Variants in THUMPD3 observed in about 807,000 individuals in gnomAD.
THUMPD3 encodes THUMP domain 3 tRNA guanosine methyltransferase.
A neutral mutation model predicts 54.5 loss-of-function variants in THUMPD3; 44 were observed. That is an observed-to-expected ratio of 0.81 (90% CI 0.63 to 1.04). The LOEUF (loss-of-function observed/expected upper bound fraction) is 1.04. Among genes scored for constraint, THUMPD3 ranks in the 50% least tolerant of loss-of-function variants. The pLI is 0.00. For synonymous variants in THUMPD3, 196 were observed against 201.4 expected, an observed-to-expected ratio of 0.97 and a Z score of 0.23; for missense variants, 604 against 601.3, an observed-to-expected ratio of 1.00 and a Z score of -0.05.
At chr3:9,370,451 G>T (rs1236871837) in intron 3 of THUMPD3, among the ~76,000 whole-genome samples, 1 of 152,120 alleles carries the variant, frequency 6.6e-6, no homozygotes, top group Non-Finnish European at 1.5e-5. Flanking sequence ...TTTTGTAAAA[G>T]ATTTATTTTT....
chr3:9,377,970 A>T lies in THUMPD3; in HGVS notation c.1008+82A>T. ...CTAATGGGCAAATTAGACATAATGAAATCTCCATGGTTGGATCAGTGGACC... is the reference window on the plus strand; with the variant it reads ...CTAATGGGCAAATTAGACATAATGATATCTCCATGGTTGGATCAGTGGACC... On this transcript the variant is annotated intron_variant, in intron 6 of 9. Transcript: ENST00000452837. 5 of 1,171,144 alleles carry T rather than the reference A, an allele frequency of 4.3e-6. No individual in the cohort carries two copies. In the South Asian group the frequency reaches 6.3e-5, roughly 15 times the overall value. The allele number at this position is 1,171,144 out of a possible 1,614,324, so 72.5% of individuals were successfully genotyped here. A position where few individuals can be genotyped will look rare whatever the true frequency, so the allele number is the denominator to read the frequency against.
At chr3:9,383,568 C>T (rs1389049535) in intron 8 of THUMPD3, among the ~76,000 whole-genome samples, 1 of 152,002 alleles carries the variant, frequency 6.6e-6, no homozygotes, top group Admixed American at 6.6e-5. Context: ...AATTATATAT[C>T]CTACACAAAA....
intron 8 of THUMPD3, among the ~76,000 whole-genome samples, chr3:9,383,626 T>G (rs927041765): frequency 1.3e-5 from 2 of 151,400 alleles, no homozygotes; most frequent in African/African-American, 4.9e-5. Context: ...CATAAATGAT[T>G]CTTTTTTTTT....
At chr3:9,367,216 G>A (rs1232630326) in intron 3 of THUMPD3, among the ~76,000 whole-genome samples, 1 of 152,146 alleles carries the variant, frequency 6.6e-6, no homozygotes, top group Non-Finnish European at 1.5e-5. Context: ...AAAACACCTT[G>A]TTTTACTTGT....
rs2125337945 is a variant in THUMPD3, at chr3:9,384,516, G to C, written c.1360-8G>C. 6.2e-7 allele frequency: 1 copy of C among 1,613,620 alleles called. No individual in the cohort carries two copies. The highest frequency in any genetic ancestry group is 2.2e-5 in the East Asian group (1 of 44,876). ...AACCTAATTGTTATTTTTTTTGTGT[G>C]TACACAGGCGTTATCTGGAATGCGA... is the stretch of plus-strand genomic sequence containing the variant. On this transcript the variant is annotated splice_region_variant and splice_polypyrimidine_tract_variant and intron_variant, in intron 9 of 9. Coordinates refer to ENST00000452837, the MANE Select transcript of THUMPD3 (RefSeq NM_001114092.2).
intron 4 of THUMPD3, among the ~76,000 whole-genome samples, chr3:9,373,362 G>A (rs955645977): frequency 1.3e-5 from 2 of 152,012 alleles, no homozygotes; most frequent in African/African-American, 4.8e-5. Flanking sequence ...TGAGTATGAT[G>A]ACAGACACCT....
At chr3:9,367,791 C>G (rs1011693784) in intron 3 of THUMPD3, among the ~76,000 whole-genome samples, 2 of 152,142 alleles carry the variant, frequency 1.3e-5, no homozygotes, top group African/African-American at 4.8e-5. Context: ...AAGGGCCTGG[C>G]GTGGTGGCTC....
At chr3:9,373,910 T>C in intron 4 of THUMPD3, among the ~76,000 whole-genome samples, 1 of 152,224 alleles carries the variant, frequency 6.6e-6, no homozygotes, top group South Asian at 2.1e-4. Flanking sequence ...ACTTTACCAA[T>C]TTTTAAAACT....
In THUMPD3 at chr3:9,366,753, A is replaced by G. The variant is rs149190567; in HGVS notation, c.253-155A>G. Among the ~76,000 whole-genome samples, 5 of 152,334 alleles carry G rather than the reference A, an allele frequency of 3.3e-5. No individual in the cohort carries two copies. In the East Asian group the frequency reaches 9.6e-4, roughly 29 times the overall value. ...GGAAAGCTGATTAGTAACCAAAGAG[A>G]TGAGAAACTAGGGAGATGGGACATT... On this transcript the variant is annotated intron_variant, in intron 2 of 9. Coordinates refer to ENST00000452837, the MANE Select transcript of THUMPD3 (RefSeq NM_001114092.2).
At position 9,374,612 on chromosome 3, in the gene THUMPD3, A is replaced by G; in HGVS notation, c.904A>G (p.Thr302Ala). The change falls in exon 5 of 10, where the codon ACT becomes GCT. Residue 302 changes from threonine (T) to alanine (A), a missense_variant. Coordinates refer to ENST00000452837, the MANE Select transcript of THUMPD3 (RefSeq NM_001114092.2). The stretch of plus-strand genomic sequence containing the variant: ...AAATATAACACATTTTGGACCTACA[A>G]CTCTTAGATCAACTCTTGCCTATGG... ...RRNITHFGPT[T>A]LRSTLAYGML... is the part of the protein sequence containing the mutation. 1 of 1,613,948 alleles carries G rather than the reference A, an allele frequency of 6.2e-7. No individual in the cohort carries two copies. The highest frequency in any genetic ancestry group is 8.5e-7 in the Non-Finnish European group (1 of 1,179,942).
At position 9,371,523 on chromosome 3, in the gene THUMPD3, A is replaced by G. The variant is rs764885828; in HGVS notation, c.794A>G (p.Asn265Ser). 1 of 1,612,250 alleles carries G rather than the reference A, an allele frequency of 6.2e-7. No individual in the cohort carries two copies. Among genetic ancestry groups the G allele is most frequent in the African/African-American group, 1.3e-5 (1 of 74,842 alleles). Residue 265 changes from asparagine to serine, a missense_variant, in exon 4 of 10, where the codon AAC (asparagine) becomes AGC (serine). Coordinates refer to ENST00000452837, the MANE Select transcript of THUMPD3 (RefSeq NM_001114092.2). ...TTTAAGTGGAAGGCCGACATGACCA[A>G]CTTTGATGTGGAGGTAGGTATAGGC... ...DYFKWKADMTNFDVEVLLNIH... is the reference protein window; with the variant it reads ...DYFKWKADMTSFDVEVLLNIH...
intron 3 of THUMPD3, among the ~76,000 whole-genome samples, chr3:9,367,757 C>T (rs1240701114): frequency 1.3e-5 from 2 of 152,106 alleles, no homozygotes; most frequent in Non-Finnish European, 2.9e-5. Context: ...AACAATAAGA[C>T]CAGACCTAAA....
Position 9,374,505 on chromosome 3 carries a change from C to T in THUMPD3, c.808-11C>T, listed in dbSNP as rs761301200. On this transcript the variant is annotated splice_polypyrimidine_tract_variant and intron_variant, in intron 4 of 9. Coordinates refer to ENST00000452837, the MANE Select transcript of THUMPD3 (RefSeq NM_001114092.2). ...CCTAAAACTATTTTGTCTTGTTCCA[C>T]TTTGCTATAGGTTCTTTTGAACATC... 3.1e-6 allele frequency: 5 copies of T among 1,611,964 alleles called. No homozygotes were observed. In the African/African-American group the frequency reaches 4.0e-5, roughly 13 times the overall value.
At chr3:9,380,666 C>A in intron 7 of THUMPD3, 48 bp downstream of exon 7, 1 of 1,361,818 alleles carries the variant, frequency 7.3e-7, no homozygotes, top group African/African-American at 1.4e-5. Context: ...TAGAGAATCA[C>A]TTTTTATATT....
In THUMPD3 at chr3:9,371,060, G is replaced by A. The variant is rs774268774; in HGVS notation, c.331G>A (p.Glu111Lys). 1 of 1,553,200 alleles carries A rather than the reference G, an allele frequency of 6.4e-7. No individual in the cohort carries two copies. The highest frequency in any genetic ancestry group is 8.6e-7 in the Non-Finnish European group (1 of 1,156,216). Residue 111 changes from glutamate (E) to lysine (K), a missense_variant and splice_region_variant, in exon 4 of 10, where the codon GAA becomes AAA. Glu to Lys is a moderately conservative substitution (Grantham distance 56, BLOSUM62 1). Transcript: ENST00000452837. ...FQDYQFKQTK[E>K]EVLKDFEDLA... is the part of the protein sequence containing the mutation. ...GAATTTCTTTCTCTGTCCTTTACAG[G>A]AAGAAGTTCTAAAGGATTTTGAAGA...
At chr3:9,380,446 T>C in intron 6 of THUMPD3, 57 bp from the exon 7 acceptor site, 1 of 1,169,462 alleles carries the variant, frequency 8.6e-7, no homozygotes, top group Non-Finnish European at 1.3e-6. Context: ...TTGTTGACAA[T>C]TTAATCATAT....
At chr3:9,365,543 G>C (rs554872890) in intron 2 of THUMPD3, among the ~76,000 whole-genome samples, 14 of 151,650 alleles carry the variant, frequency 9.2e-5, no homozygotes, top group East Asian at 3.9e-4. Flanking sequence ...GGAGGGGGGT[G>C]GGGGGAGTTT....
intron 3 of THUMPD3, among the ~76,000 whole-genome samples, chr3:9,368,289 C>T (rs1363447459): frequency 2.0e-5 from 3 of 151,652 alleles, no homozygotes; most frequent in East Asian, 3.9e-4. Context: ...CCACTTAAGC[C>T]TCCCAAAGTG....
At chr3:9,373,930 A>C (rs530358392) in intron 4 of THUMPD3, among the ~76,000 whole-genome samples, 21 of 152,320 alleles carry the variant, frequency 1.4e-4, no homozygotes, top group African/African-American at 4.3e-4. Context: ...TTTTTTGTTG[A>C]GATACACTTT....
Sources: allele counts gnomAD v4.1 joint callset (sites outside exome capture counted in the v4.1 genomes callset), GRCh38; gene constraint gnomAD v4.1.1; transcripts MANE v1.5; gene names NCBI Gene and HGNC (gene_info 2026-07-23, HGNC 2026-07-21).